The following DDAH1 variants were observed in gnomAD, a reference collection of about 807,000 sequenced individuals.
The protein encoded by DDAH1 is N(G),N(G)-dimethylarginine dimethylaminohydrolase 1.
Under a neutral mutation model 28.8 loss-of-function variants are expected in DDAH1, and 19 were observed. That is an observed-to-expected ratio of 0.66 (90% CI 0.46 to 0.97). DDAH1 has a LOEUF of 0.97. Among genes scored for constraint, DDAH1 ranks in the 50% least tolerant of loss-of-function variants. The pLI is 0.00. For synonymous variants in DDAH1, 153 were observed against 154.4 expected, an observed-to-expected ratio of 0.99 and a Z score of 0.07; for missense variants, 326 against 375.9, an observed-to-expected ratio of 0.87 and a Z score of 1.10.
chr1:85,566,938 A>T (rs1659322067), intron 1 of DDAH1, among the ~76,000 whole-genome samples: 1 of 152,200 alleles, frequency 6.6e-6, no homozygotes, highest in South Asian at 2.1e-4. Flanking sequence ...TCCAGCCTGA[A>T]GGCCAGCAGG....
At chr1:85,514,899 T>C (rs1465719267) in intron 1 of DDAH1, among the ~76,000 whole-genome samples, 1 of 151,918 alleles carries the variant, frequency 6.6e-6, no homozygotes, top group African/African-American at 2.4e-5. Flanking sequence ...ACAGGAACAT[T>C]GTTTACTGTG....
At chr1:85,377,069 T>C (rs1254508045) in intron 1 of DDAH1, among the ~76,000 whole-genome samples, 1 of 152,162 alleles carries the variant, frequency 6.6e-6, no homozygotes, top group Non-Finnish European at 1.5e-5. Context: ...GATATTTAGT[T>C]CACAGAATCA....
In DDAH1 at chr1:85,457,058, A is replaced by C. The variant is rs545555599; in HGVS notation, c.303+7685T>G. Among the ~76,000 whole-genome samples the C allele has an allele frequency of 5.3e-5, 8 of 152,312 alleles. No homozygotes were observed. The East Asian group carries it at 1.5e-3, about 29-fold the overall frequency. On this transcript the variant is annotated intron_variant, in intron 1 of 5. Coordinates refer to ENST00000284031, the MANE Select transcript of DDAH1 (RefSeq NM_012137.4). ...AAGAGGGAAGTACACTTAGAAATGAAGTGTGCAAAGTGGCCAAATCCCTCT... is the reference window on the plus strand; with the variant it reads ...AAGAGGGAAGTACACTTAGAAATGACGTGTGCAAAGTGGCCAAATCCCTCT...
At chr1:85,358,642 G>C (rs995081283) in intron 2 of DDAH1, 106 bp downstream of exon 2, 35 of 869,434 alleles carry the variant, frequency 4.0e-5, no homozygotes, top group Non-Finnish European at 5.9e-5. Flanking sequence ...GCGAGACTCT[G>C]TCTCAAAAAC....
At chr1:85,492,118 T>C (rs1269690147) in intron 2 of DDAH1, among the ~76,000 whole-genome samples, 1 of 152,192 alleles carries the variant, frequency 6.6e-6, no homozygotes, top group Non-Finnish European at 1.5e-5. Flanking sequence ...GTGACCAAAA[T>C]AATACAGCTT....
chr1:85,332,149 TAGAG>T (rs761615810), intron 4 of DDAH1, among the ~76,000 whole-genome samples: 8 of 152,240 alleles, frequency 5.3e-5, no homozygotes, highest in African/African-American at 4.8e-5. Flanking sequence ...TCTGGACAGA[TAGAG>T]AGCCAGTTAG....
Position 85,529,443 on chromosome 1 carries a change from A to G in DDAH1, c.-122-33162T>C, listed in dbSNP as rs561808985. 9.9e-5 allele frequency among the ~76,000 whole-genome samples: 15 copies of G among 151,850 alleles called. 1 individual carries two copies. Among genetic ancestry groups the G allele is most frequent in the Non-Finnish European group, 1.6e-4 (11 of 67,938 alleles). ...ACACATGACAGTATAGATTCCCTGG[A>G]CAGCAAAACAGACTGTTCTAATAAG... is the stretch of plus-strand genomic sequence containing the variant. On this transcript the variant is annotated intron_variant, in intron 1 of 6. Transcript: ENST00000426972.
At chr1:85,385,360 T>C (rs1357798746) in intron 1 of DDAH1, among the ~76,000 whole-genome samples, 1 of 152,198 alleles carries the variant, frequency 6.6e-6, no homozygotes, top group African/African-American at 2.4e-5. Flanking sequence ...TAGAAATAAA[T>C]AAAGCATTAG....
chr1:85,393,136 TC>T (rs1456866921), intron 1 of DDAH1, among the ~76,000 whole-genome samples: 1 of 152,188 alleles, frequency 6.6e-6, no homozygotes, highest in African/African-American at 2.4e-5. Flanking sequence ...CACAAGACAC[TC>T]CTTAATAGCA....
At chr1:85,427,084 C>T (rs566596794) in intron 1 of DDAH1, among the ~76,000 whole-genome samples, 38 of 152,140 alleles carry the variant, frequency 2.5e-4, no homozygotes, top group African/African-American at 8.4e-4. Context: ...GTGACTTCCA[C>T]AGGATCATAG....
intron 1 of DDAH1, chr1:85,379,869 C>A (rs1475558688): frequency 4.1e-6 from 1 of 244,488 alleles, no homozygotes; most frequent in Non-Finnish European, 6.6e-6. Flanking sequence ...GATCTTGAAC[C>A]CATGTACACT....
chr1:85,476,449 G>A (rs572083097), intron 2 of DDAH1, among the ~76,000 whole-genome samples: 12 of 152,256 alleles, frequency 7.9e-5, no homozygotes, highest in African/African-American at 1.7e-4. Context: ...ACTTTCTCAC[G>A]CACATCTCTA....
chr1:85,322,470 A>C (rs1219792397), intron 5 of DDAH1, among the ~76,000 whole-genome samples: 1 of 152,228 alleles, frequency 6.6e-6, no homozygotes, highest in African/African-American at 2.4e-5. Flanking sequence ...AATCACTTGA[A>C]AGTGTACTGC....
At chr1:85,467,295 G>A (rs1008828265), upstream of DDAH1, 14 of 152,168 alleles carry the variant, frequency 9.2e-5, no homozygotes, top group Non-Finnish European at 1.9e-4. Context: ...CCTGTGCCTT[G>A]TTGGAGCCTG....
intron 1 of DDAH1, among the ~76,000 whole-genome samples, chr1:85,540,760 C>A (rs1658448520): frequency 1.3e-5 from 2 of 151,912 alleles, no homozygotes; most frequent in Non-Finnish European, 2.9e-5. Flanking sequence ...GAGTTCAAGA[C>A]CAGCCTGGCC....
At chr1:85,434,036 T>A (rs988768889) in intron 1 of DDAH1, among the ~76,000 whole-genome samples, 3 of 152,176 alleles carry the variant, frequency 2.0e-5, no homozygotes, top group African/African-American at 7.2e-5. Flanking sequence ...AGATACCATA[T>A]CAGGATGTAA....
chr1:85,445,720 C>T (rs1446758374), intron 1 of DDAH1, among the ~76,000 whole-genome samples: 2 of 152,158 alleles, frequency 1.3e-5, no homozygotes, highest in Non-Finnish European at 2.9e-5. Flanking sequence ...AATCATCCTG[C>T]CTCAGCCTCC....
intron 1 of DDAH1, among the ~76,000 whole-genome samples, chr1:85,502,294 C>A (rs12060378): frequency 6.6e-6 from 1 of 151,938 alleles, no homozygotes; most frequent in African/African-American, 2.4e-5. Flanking sequence ...TGCCCAACAA[C>A]GAGAGGAAAC....
At chr1:85,494,650 G>A (rs1354170613) in intron 2 of DDAH1, 4 of 152,210 alleles carry the variant, frequency 2.6e-5, no homozygotes, top group African/African-American at 9.7e-5. Flanking sequence ...CCTAGTAATT[G>A]CCTTTCATAG....
Sources: gnomAD v4.1 joint callset for allele counts (sites outside exome capture counted in the v4.1 genomes callset) on GRCh38, gnomAD v4.1.1 for gene constraint, MANE v1.5 for transcripts, NCBI Gene and HGNC (gene_info 2026-07-23, HGNC 2026-07-21) for gene names.